Variants in CYTH3 observed in about 807,000 individuals in gnomAD.
CYTH3 encodes cytohesin-3.
Under a neutral mutation model 55.1 loss-of-function variants are expected in CYTH3, and 23 were observed. That is an observed-to-expected ratio of 0.42 (90% CI 0.30 to 0.59). The LOEUF is 0.59. CYTH3 is among the 20% of genes least tolerant of loss of function. The pLI is 0.20. For synonymous variants in CYTH3, 249 were observed against 194.9 expected (o/e 1.28, Z -2.31); for missense variants, 413 against 524.8 (o/e 0.79, Z 2.08).
At chr7:6,222,301 C>G (rs776417379) in intron 1 of CYTH3, among the ~76,000 whole-genome samples, 1 of 152,128 alleles carries the variant, frequency 6.6e-6, no homozygotes. Flanking sequence ...GAGCACCTGT[C>G]GATAATGCCT....
chr7:6,245,066 G>A (rs1159465427), intron 1 of CYTH3, among the ~76,000 whole-genome samples: 3 of 133,752 alleles, frequency 2.2e-5, no homozygotes, highest in Admixed American at 8.6e-5. Context: ...TGATCCACCC[G>A]CCCCGGCCTT....
chr7:6,236,613 T>C (rs993094809), intron 1 of CYTH3, among the ~76,000 whole-genome samples: 3 of 151,886 alleles, frequency 2.0e-5, no homozygotes, highest in East Asian at 1.9e-4. Context: ...GGCTGGAGTA[T>C]AGTGGCATGA....
chr7:6,187,077 T>G lies in CYTH3; in HGVS notation c.222A>C (p.Arg74Ser), dbSNP rs781740165. 1 of 1,614,194 alleles carries G rather than the reference T, an allele frequency of 6.2e-7. No individual in the cohort carries two copies. Among genetic ancestry groups the G allele is most frequent in the Non-Finnish European group, 8.5e-7 (1 of 1,180,028 alleles). Residue 74 changes from arginine (R) to serine (S), a missense_variant, in exon 4 of 13, where the codon AGA becomes AGC. By Grantham distance (110) the Arg-to-Ser change is moderately radical. This residue lies in a region of CYTH3 where 152 missense variants were observed against 148.1 expected (regional missense o/e 1.03). Coordinates refer to ENST00000350796, the MANE Select transcript of CYTH3 (RefSeq NM_004227.4). The stretch of plus-strand genomic sequence containing the variant: ...TTTTGGGATCCATGTTGAATTTCTT[T>G]CTTCCCATGGCTATCTGTTTGTTCC... ...TQRNKQIAMG[R>S]KKFNMDPKKG...
intron 1 of CYTH3, among the ~76,000 whole-genome samples, chr7:6,206,419 G>C (rs1335208082): frequency 6.6e-6 from 1 of 152,202 alleles, no homozygotes; most frequent in Admixed American, 6.5e-5. Context: ...AAACTAATTT[G>C]TGTTGATAGG....
At chr7:6,269,210 G>T (rs1181602057) in intron 1 of CYTH3, among the ~76,000 whole-genome samples, 1 of 152,200 alleles carries the variant, frequency 6.6e-6, no homozygotes, top group East Asian at 1.9e-4. Flanking sequence ...TGAGCCAACA[G>T]GACATGGGCT....
chr7:6,167,166 G>A lies in CYTH3; in HGVS notation c.824-1356C>T, dbSNP rs1036983812. Among the ~76,000 whole-genome samples, 3 of 152,238 alleles carry A rather than the reference G, an allele frequency of 2.0e-5. No individual in the cohort carries two copies. The South Asian group carries it at 6.2e-4, about 32-fold the overall frequency. On this transcript the variant is annotated intron_variant, in intron 9 of 12. Transcript: ENST00000350796. This position sits in a 1 kb window ranked among gnomAD's most constrained non-coding sequence, Gnocchi z 5.5. ...AAGGCCCAAAGTCCTTGTTGCCCTC[G>A]TGTCCCTGTCTCACCGCGGGCTCCA...
intron 1 of CYTH3, among the ~76,000 whole-genome samples, chr7:6,222,760 C>A (rs60103675): frequency 3.3e-4 from 48 of 146,374 alleles, no homozygotes; most frequent in Non-Finnish European, 4.2e-4. Context: ...AAAAAAAAAA[C>A]AAAACCCAAA....
chr7:6,165,870 G>A, intron 9 of CYTH3, 60 bp from the exon 10 acceptor site: 1 of 1,566,776 alleles, frequency 6.4e-7, no homozygotes, highest in Non-Finnish European at 8.8e-7. Context: ...GCGGGTCCAA[G>A]AGGGGGCCCT....
intron 1 of CYTH3, among the ~76,000 whole-genome samples, chr7:6,228,954 G>A (rs995576670): frequency 2.6e-5 from 4 of 152,240 alleles, no homozygotes; most frequent in East Asian, 1.9e-4. Context: ...ATCGCTGTCC[G>A]AGCCCCTTTA....
intron 1 of CYTH3, among the ~76,000 whole-genome samples, chr7:6,256,454 G>A (rs377575591): frequency 7.9e-5 from 12 of 152,186 alleles, no homozygotes; most frequent in East Asian, 1.9e-4. Context: ...ATGTTTTAGC[G>A]CAGAACTTAA....
At chr7:6,172,719 TC>T in intron 6 of CYTH3, 2 of 1,159,418 alleles carry the variant, frequency 1.7e-6, no homozygotes, top group Non-Finnish European at 2.2e-6. Flanking sequence ...CAGACACCCC[TC>T]CCAGACTCAC....
chr7:6,233,675 A>AAAAAAT (rs1395560062), intron 1 of CYTH3, among the ~76,000 whole-genome samples: 1 of 150,904 alleles, frequency 6.6e-6, no homozygotes, highest in Non-Finnish European at 1.5e-5. Context: ...AAAAAAAAAA[A>AAAAAAT]TTCAGTAAAT....
At position 6,167,403 on chromosome 7, in the gene CYTH3, C is replaced by T. The variant is rs1783042417; in HGVS notation, c.824-1593G>A. ...TTCCAGGCACTTGCTCCAGCTTGAA[C>T]TGCTGTGGCAGAATCAGCTGACAGC... is the stretch of plus-strand genomic sequence containing the variant. On this transcript the variant is annotated intron_variant, in intron 9 of 12. Coordinates refer to ENST00000350796, the MANE Select transcript of CYTH3 (RefSeq NM_004227.4). The surrounding 1 kb of genome is among the most constrained non-coding windows in gnomAD (Gnocchi z 5.5). Among the ~76,000 whole-genome samples the T allele has an allele frequency of 6.6e-6, 1 of 152,200 alleles. No individual in the cohort carries two copies. Among genetic ancestry groups the T allele is most frequent in the African/African-American group, 2.4e-5 (1 of 41,452 alleles).
intron 1 of CYTH3, among the ~76,000 whole-genome samples, chr7:6,213,313 T>A (rs1288533692): frequency 1.3e-5 from 2 of 152,228 alleles, no homozygotes; most frequent in African/African-American, 4.8e-5. Flanking sequence ...CTTCGTGAAT[T>A]CCTGAAAATA....
intron 1 of CYTH3, among the ~76,000 whole-genome samples, chr7:6,196,327 TTC>T (rs1444238089): frequency 6.6e-6 from 1 of 152,034 alleles, no homozygotes; most frequent in Non-Finnish European, 1.5e-5. Flanking sequence ...AATAAAGAAT[TTC>T]AACAGGCAGA....
At chr7:6,165,661 C>A in intron 10 of CYTH3, 45 bp from the exon 11 acceptor site, 1 of 1,612,926 alleles carries the variant, frequency 6.2e-7, no homozygotes, top group Non-Finnish European at 8.5e-7. Context: ...GGGTCACCAG[C>A]CTGAGGGTCC....
chr7:6,167,476 CCTCCAGAGA>C lies in CYTH3; in HGVS notation c.824-1675_824-1667del, dbSNP rs1783045640. 6.6e-6 allele frequency among the ~76,000 whole-genome samples: 1 copy of C among 152,250 alleles called. No individual in the cohort carries two copies. Among genetic ancestry groups the C allele is most frequent in the Admixed American group, 6.5e-5 (1 of 15,290 alleles). On this transcript the variant is annotated intron_variant, in intron 9 of 12. Coordinates refer to ENST00000350796, the MANE Select transcript of CYTH3 (RefSeq NM_004227.4). The surrounding 1 kb of genome is among the most constrained non-coding windows in gnomAD (Gnocchi z 5.5). ...TCACTGTCACGGTCGCCTCTGCTTCCCTCCAGAGACTCCAGAGCAGGCCCCGCTCCAGCT... is the reference window on the plus strand; with the variant it reads ...TCACTGTCACGGTCGCCTCTGCTTCCCTCCAGAGCAGGCCCCGCTCCAGCT...
intron 6 of CYTH3, chr7:6,172,622 G>T: frequency 1.2e-6 from 1 of 802,376 alleles, no homozygotes; most frequent in Non-Finnish European, 1.6e-6. Flanking sequence ...AGGCTCCCAC[G>T]GCTGTGGGAA....
chr7:6,174,726 T>A (rs1436575372), intron 5 of CYTH3, among the ~76,000 whole-genome samples: 1 of 151,966 alleles, frequency 6.6e-6, no homozygotes, highest in Non-Finnish European at 1.5e-5. Context: ...TTTTTGTATT[T>A]TTAGTAGAGA....
Sources: gnomAD v4.1 joint callset for allele counts (sites outside exome capture counted in the v4.1 genomes callset) on GRCh38, gnomAD v4.1.1 for gene constraint, gnomAD v4.1.1 regional missense constraint, Gnocchi (gnomAD v3.1) non-coding constraint, MANE v1.5 for transcripts, NCBI Gene and HGNC (gene_info 2026-07-23, HGNC 2026-07-21) for gene names.